Variants in AGBL1 observed in about 807,000 individuals in gnomAD.
AGBL1 encodes AGBL carboxypeptidase 1.
A neutral mutation model predicts 118.9 loss-of-function variants in AGBL1; 130 were observed. That is an observed-to-expected ratio of 1.09 (90% CI 0.95 to 1.26). The LOEUF (loss-of-function observed/expected upper bound fraction) is 1.26, where lower values mean the gene tolerates loss of function less well. Ranked by LOEUF, AGBL1 falls within the 50% of genes most tolerant of loss-of-function variation. The probability of loss-of-function intolerance (pLI) is 0.00; values close to 1 mark genes in which losing one functional copy is unlikely to be tolerated. For synonymous variants in AGBL1, 555 were observed against 478.9 expected (o/e 1.16, Z -2.08); for missense variants, 1,584 against 1,298.1 (o/e 1.22, Z -3.38).
At chr15:86,822,842 C>A (rs1020473398) in intron 22 of AGBL1, among the ~76,000 whole-genome samples, 2 of 151,556 alleles carry the variant, frequency 1.3e-5, no homozygotes, top group African/African-American at 2.4e-5. Context: ...TACTGAAGAG[C>A]AGGATTTACA....
intron 22 of AGBL1, among the ~76,000 whole-genome samples, chr15:86,883,684 G>T (rs935818098): frequency 6.6e-6 from 1 of 151,998 alleles, no homozygotes; most frequent in South Asian, 2.1e-4. Context: ...AATATCCCTA[G>T]CACATGGTAG....
chr15:86,494,597 T>C (rs2082824068), intron 18 of AGBL1, among the ~76,000 whole-genome samples: 2 of 152,072 alleles, frequency 1.3e-5, no homozygotes, highest in African/African-American at 2.4e-5. Flanking sequence ...ACCTAACTTA[T>C]TATCACCTAC....
chr15:86,823,894 A>C (rs2078973496), intron 22 of AGBL1, among the ~76,000 whole-genome samples: 1 of 152,146 alleles, frequency 6.6e-6, no homozygotes, highest in South Asian at 2.1e-4. Flanking sequence ...AAAACCTTTC[A>C]TCTCAGAAAA....
intron 21 of AGBL1, among the ~76,000 whole-genome samples, chr15:86,655,957 A>G (rs1237510159): frequency 6.6e-6 from 1 of 152,216 alleles, no homozygotes; most frequent in Non-Finnish European, 1.5e-5. Context: ...TGCCTCCCTG[A>G]GCATCAGTCT....
chr15:86,120,927 C>T (rs1032985425), intron 1 of AGBL1, among the ~76,000 whole-genome samples: 7 of 151,340 alleles, frequency 4.6e-5, no homozygotes, highest in East Asian at 1.9e-4. Context: ...GATGGAGTCC[C>T]GCTCTGTTGC....
intron 5 of AGBL1, among the ~76,000 whole-genome samples, chr15:86,218,320 AG>A (rs2078222798): frequency 6.6e-6 from 1 of 152,154 alleles, no homozygotes; most frequent in South Asian, 2.1e-4. Flanking sequence ...CTGGGAAGAT[AG>A]TATTTCCACT....
chr15:86,514,291 G>C (rs917919953), intron 18 of AGBL1, among the ~76,000 whole-genome samples: 4 of 152,054 alleles, frequency 2.6e-5, no homozygotes, highest in African/African-American at 9.6e-5. Flanking sequence ...TGAGAAACCT[G>C]GTTGTTGTTA....
intron 22 of AGBL1, among the ~76,000 whole-genome samples, chr15:86,681,241 T>C (rs1415930259): frequency 6.6e-6 from 1 of 152,176 alleles, no homozygotes; most frequent in East Asian, 1.9e-4. Flanking sequence ...TTCTGCAGCA[T>C]GGACTCTCTG....
intron 23 of AGBL1, among the ~76,000 whole-genome samples, chr15:86,942,559 T>C (rs964232561): frequency 3.9e-5 from 6 of 152,200 alleles, no homozygotes; most frequent in African/African-American, 1.2e-4. Context: ...TGAAGAGACA[T>C]AGATTTTAGA....
chr15:86,669,075 C>T (rs146566563), intron 21 of AGBL1, among the ~76,000 whole-genome samples: 1 of 151,846 alleles, frequency 6.6e-6, no homozygotes, highest in African/African-American at 2.4e-5. Context: ...GCGCTAACAC[C>T]AATCTACAAA....
intron 18 of AGBL1, among the ~76,000 whole-genome samples, chr15:86,508,201 C>G (rs183678562): frequency 6.6e-6 from 1 of 151,812 alleles, no homozygotes; most frequent in African/African-American, 2.4e-5. Flanking sequence ...GGATTACAGG[C>G]GTGAACCACT....
At chr15:86,886,210 A>G (rs1480432691) in intron 22 of AGBL1, among the ~76,000 whole-genome samples, 3 of 152,390 alleles carry the variant, frequency 2.0e-5, no homozygotes, top group Middle Eastern at 3.4e-3. Context: ...GTAAAATAGC[A>G]TACAAATGTT....
chr15:86,651,496 T>A (rs949248815), intron 21 of AGBL1, among the ~76,000 whole-genome samples: 1 of 152,206 alleles, frequency 6.6e-6, no homozygotes, highest in Non-Finnish European at 1.5e-5. Flanking sequence ...GATCTTATTA[T>A]AATTCCAGCA....
intron 21 of AGBL1, among the ~76,000 whole-genome samples, chr15:86,602,670 G>T (rs1307558038): frequency 6.6e-6 from 1 of 152,098 alleles, no homozygotes; most frequent in African/African-American, 2.4e-5. Context: ...ATGATTTAGT[G>T]GAATGGGTTG....
exon 25 of AGBL1, chr15:87,028,931 ATGT>A: frequency 7.2e-7 from 1 of 1,383,848 alleles, no homozygotes; most frequent in Non-Finnish European, 1.0e-6. Context: ...AACCTTCAAG[ATGT>A]TGTACATGTC....
At chr15:86,880,826 AG>A in intron 22 of AGBL1, among the ~76,000 whole-genome samples, 1 of 152,234 alleles carries the variant, frequency 6.6e-6, no homozygotes, top group Admixed American at 6.5e-5. Context: ...AAAACACACA[AG>A]ATAAGAACCC....
intron 22 of AGBL1, among the ~76,000 whole-genome samples, chr15:86,804,888 C>T (rs947658169): frequency 1.3e-5 from 2 of 151,996 alleles, no homozygotes; most frequent in Non-Finnish European, 2.9e-5. Context: ...GCATCGGTGG[C>T]CAGAAACCAT....
chr15:86,592,715 A>C (rs1004056324), intron 21 of AGBL1, among the ~76,000 whole-genome samples: 2 of 152,324 alleles, frequency 1.3e-5, no homozygotes, highest in South Asian at 4.1e-4. Context: ...CCACTCACCC[A>C]GCTTCTGAGA....
At chr15:86,748,726 A>G (rs1476874470) in intron 22 of AGBL1, among the ~76,000 whole-genome samples, 1 of 151,776 alleles carries the variant, frequency 6.6e-6, no homozygotes, top group African/African-American at 2.4e-5. Context: ...CTTTCTACAT[A>G]TGGCTAGTCA....
Sources: allele counts gnomAD v4.1 joint callset (sites outside exome capture counted in the v4.1 genomes callset), GRCh38; gene constraint gnomAD v4.1.1; transcripts MANE v1.5; gene names NCBI Gene and HGNC (gene_info 2026-07-23, HGNC 2026-07-21).